The following DHX40 variants were observed in gnomAD, a reference collection of about 807,000 sequenced individuals.
The protein encoded by DHX40 is probable ATP-dependent RNA helicase DHX40.
In DHX40, 28 loss-of-function variants were observed where a neutral mutation model predicts 89.6. The observed-to-expected ratio is 0.31, with a 90% CI of 0.23 to 0.43. DHX40 has a LOEUF of 0.43. DHX40 is among the 20% of genes least tolerant of loss of function. The probability of loss-of-function intolerance (pLI) is 1.00; values close to 1 mark genes in which losing one functional copy is unlikely to be tolerated. For missense variants in DHX40, 457 were observed against 844.0 expected, an observed-to-expected ratio of 0.54 and a Z score of 5.68; for synonymous variants, 226 against 283.6, an observed-to-expected ratio of 0.80 and a Z score of 2.04.
In DHX40 at chr17:59,607,336, CCCATA is replaced by C. The variant is rs1567907511; in HGVS notation, c.*165_*169del. On this transcript the variant is annotated 3_prime_UTR_variant, in exon 18 of 18. Transcript: ENST00000251241. ...GCTCATAAATCAAAGCTCATCAGTT[CCCATA>C]AATGCAGTTGTCAAAGAAAAGATTT... 2 of 1,380,460 alleles carry C rather than the reference CCCATA, an allele frequency of 1.4e-6. No homozygotes were observed. The highest frequency in any genetic ancestry group is 4.9e-5 in the East Asian group (2 of 40,524). The allele number at this position is 1,380,460 out of a possible 1,614,324, so 85.5% of individuals were successfully genotyped here. A position where few individuals can be genotyped will look rare whatever the true frequency, so the allele number is the denominator to read the frequency against.
intron 7 of DHX40, chr17:59,577,024 C>G (rs938406387): frequency 2.1e-6 from 1 of 474,706 alleles, no homozygotes; most frequent in Non-Finnish European, 4.0e-6. Context: ...GGCGCGCCCC[C>G]ACGCCCTGCT....
At chr17:59,606,068 C>CG (rs2030832354) in intron 17 of DHX40, among the ~76,000 whole-genome samples, 1 of 151,236 alleles carries the variant, frequency 6.6e-6, no homozygotes, top group Admixed American at 6.6e-5. Flanking sequence ...TTCTTTGAGA[C>CG]GGAGTTTTGC....
chr17:59,592,289 C>G (rs1217076744), intron 12 of DHX40, among the ~76,000 whole-genome samples: 14 of 152,000 alleles, frequency 9.2e-5, no homozygotes, highest in Admixed American at 9.2e-4. Context: ...AGTTACAGTA[C>G]TGTGAAAAAC....
In DHX40 at chr17:59,607,584, T is replaced by A. The variant is rs2030943717; in HGVS notation, c.*412T>A. ...TAAAATCTCTTTAAGGCCTTCTTGTTGCTGTTAGAATAGTGCTATATATCA... is the reference window on the plus strand; with the variant it reads ...TAAAATCTCTTTAAGGCCTTCTTGTAGCTGTTAGAATAGTGCTATATATCA... On this transcript the variant is annotated 3_prime_UTR_variant, in exon 18 of 18. Coordinates refer to ENST00000251241, the MANE Select transcript of DHX40 (RefSeq NM_024612.5). 2 of 381,906 alleles carry A rather than the reference T, an allele frequency of 5.2e-6. No homozygotes were observed. The highest frequency in any genetic ancestry group is 4.0e-5 in the African/African-American group (2 of 49,828). The allele number at this position is 381,906 out of a possible 1,614,324, so 23.7% of individuals were successfully genotyped here.
rs1419133360 is a variant in DHX40, at chr17:59,607,215, G to T, written c.*43G>T. On this transcript the variant is annotated 3_prime_UTR_variant, in exon 18 of 18. Transcript: ENST00000251241. ...TTCAGGAAGTGGGAAAAGGAGCCAG[G>T]AAATGTGCTTCTACTTTGCCAGTTA... The T allele has an allele frequency of 6.2e-7, 1 of 1,614,188 alleles. No individual in the cohort carries two copies. The highest frequency in any genetic ancestry group is 1.1e-5 in the South Asian group (1 of 91,086).
At chr17:59,572,064 T>C (rs778777953) in intron 3 of DHX40, among the ~76,000 whole-genome samples, 8 of 152,232 alleles carry the variant, frequency 5.3e-5, no homozygotes, top group Admixed American at 1.3e-4. Flanking sequence ...ATTAACAAAA[T>C]CAGCAAGTGT....
At chr17:59,577,149 G>A (rs548816255) in intron 7 of DHX40, 117 bp from the exon 8 acceptor site, 10 of 816,994 alleles carry the variant, frequency 1.2e-5, no homozygotes, top group South Asian at 4.3e-5. Context: ...GATTACAGGC[G>A]TGAGTCACCA....
At chr17:59,570,881 GT>G (rs1010850610) in intron 3 of DHX40, among the ~76,000 whole-genome samples, 2 of 152,068 alleles carry the variant, frequency 1.3e-5, no homozygotes, top group African/African-American at 2.4e-5. Context: ...AGTGGAGAGA[GT>G]TCTGAAAGAT....
intron 1 of DHX40, 112 bp downstream of exon 1, chr17:59,565,895 G>A (rs1384286713): frequency 3.5e-5 from 32 of 920,788 alleles, no homozygotes; most frequent in Non-Finnish European, 4.5e-5. Flanking sequence ...GGAAGCCGTG[G>A]CGTTCTCCTG....
chr17:59,569,313 G>A (rs1397660342), intron 2 of DHX40, among the ~76,000 whole-genome samples: 1 of 150,442 alleles, frequency 6.6e-6, no homozygotes, highest in Non-Finnish European at 1.5e-5. Context: ...GGGCAACAGA[G>A]CAAGACTCTA....
intron 12 of DHX40, among the ~76,000 whole-genome samples, chr17:59,595,892 G>C (rs529669392): frequency 6.7e-6 from 1 of 149,166 alleles, no homozygotes; most frequent in South Asian, 2.2e-4. Flanking sequence ...AGAAAAACAG[G>C]CAGTTAATTT....
chr17:59,570,151 A>T (rs1049517563), intron 2 of DHX40, among the ~76,000 whole-genome samples: 1 of 128,738 alleles, frequency 7.8e-6, no homozygotes, highest in Non-Finnish European at 1.6e-5. Context: ...TATAAATTAT[A>T]TAATACATAT....
At chr17:59,588,090 A>G (rs746682549) in intron 12 of DHX40, 37 bp downstream of exon 12, 17 of 1,608,588 alleles carry the variant, frequency 1.1e-5, no homozygotes, top group African/African-American at 5.4e-5. Flanking sequence ...TTTTAAAACT[A>G]ATAGACTTGG....
intron 12 of DHX40, among the ~76,000 whole-genome samples, chr17:59,594,663 GA>G (rs1261455369): frequency 6.6e-6 from 1 of 151,478 alleles, no homozygotes; most frequent in Non-Finnish European, 1.5e-5. Flanking sequence ...CTGAGCTGCT[GA>G]ACCCATTGGA....
At chr17:59,597,883 C>T (rs1374035632) in intron 12 of DHX40, among the ~76,000 whole-genome samples, 1 of 147,584 alleles carries the variant, frequency 6.8e-6, no homozygotes, top group Non-Finnish European at 1.5e-5. Flanking sequence ...TGCAGTGAGC[C>T]GAGATCGCGC....
At chr17:59,588,851 C>T (rs2049038702) in intron 12 of DHX40, among the ~76,000 whole-genome samples, 2 of 152,100 alleles carry the variant, frequency 1.3e-5, no homozygotes, top group Admixed American at 6.6e-5. Context: ...AAGTCATTGT[C>T]GTACCCAAAG....
At position 59,573,827 on chromosome 17, in the gene DHX40, A is replaced by T. The variant is rs1204842858; in HGVS notation, c.634A>T (p.Thr212Ser). 2 of 1,613,586 alleles carry T rather than the reference A, an allele frequency of 1.2e-6. No homozygotes were observed. Among genetic ancestry groups the T allele is most frequent in the African/African-American group, 2.7e-5 (2 of 74,852 alleles). ...EHLKVVVMSA[T>S]MELAKLSAFF... ...TTTAAAAGTGGTGGTAATGTCAGCAACTATGGAATTAGCCAAGCTCTCTGC... is the reference window on the plus strand; with the variant it reads ...TTTAAAAGTGGTGGTAATGTCAGCATCTATGGAATTAGCCAAGCTCTCTGC... Residue 212 changes from threonine to serine, a missense_variant, in exon 5 of 18, where the codon ACT becomes TCT. By Grantham distance (58) the Thr-to-Ser change is moderately conservative. This residue lies in a region of DHX40 where 116 missense variants were observed against 188.9 expected (regional missense o/e 0.61). Coordinates refer to ENST00000251241, the MANE Select transcript of DHX40 (RefSeq NM_024612.5).
intron 10 of DHX40, 47 bp from the exon 11 acceptor site, chr17:59,586,106 C>T: frequency 7.4e-7 from 1 of 1,356,236 alleles, no homozygotes; most frequent in East Asian, 2.4e-5. Context: ...AAAATCCTAC[C>T]ATGTTCAAGG....
intron 2 of DHX40, among the ~76,000 whole-genome samples, chr17:59,570,161 T>C (rs1020638503): frequency 2.4e-5 from 3 of 126,768 alleles, no homozygotes; most frequent in Non-Finnish European, 3.2e-5. Flanking sequence ...ATAATACATA[T>C]AATATGTTAT....
Sources: allele counts gnomAD v4.1 joint callset (sites outside exome capture counted in the v4.1 genomes callset), GRCh38; gene constraint gnomAD v4.1.1; regional missense constraint gnomAD v4.1.1; transcripts MANE v1.5; gene names NCBI Gene and HGNC (gene_info 2026-07-23, HGNC 2026-07-21).